TDRD7: variants seen among roughly 807,000 people sequenced by gnomAD.
TDRD7 encodes tudor domain containing 7.
A neutral mutation model predicts 109.8 loss-of-function variants in TDRD7; 47 were observed. That is an observed-to-expected ratio of 0.43 (90% CI 0.34 to 0.55). The LOEUF is 0.55. TDRD7 is among the 20% of genes least tolerant of loss of function. The pLI is 0.03. For synonymous variants in TDRD7, 424 were observed against 457.3 expected (o/e 0.93, Z 0.93); for missense variants, 1,164 against 1,319.2 (o/e 0.88, Z 1.82).
intron 16 of TDRD7, among the ~76,000 whole-genome samples, chr9:97,494,124 T>A (rs1344566451): frequency 6.6e-6 from 1 of 151,948 alleles, no homozygotes; most frequent in Non-Finnish European, 1.5e-5. Context: ...GGGGAAGTGA[T>A]AAGTGTCCAT....
intron 1 of TDRD7, among the ~76,000 whole-genome samples, chr9:97,425,061 C>T (rs1827964616): frequency 6.6e-6 from 1 of 151,974 alleles, no homozygotes; most frequent in Admixed American, 6.6e-5. Context: ...TCCATTGGTT[C>T]TATTCTTCGT....
chr9:97,425,727 GAA>G (rs1449954389), intron 1 of TDRD7, among the ~76,000 whole-genome samples: 2 of 152,142 alleles, frequency 1.3e-5, no homozygotes, highest in Non-Finnish European at 2.9e-5. Flanking sequence ...ATAATAATTT[GAA>G]AAGAGTTAAT....
At chr9:97,473,660 C>A (rs1258715744) in intron 11 of TDRD7, 34 bp downstream of exon 11, 1 of 1,612,536 alleles carries the variant, frequency 6.2e-7, no homozygotes, top group Non-Finnish European at 8.5e-7. Context: ...CTAAAATTAG[C>A]CCTAAAATTA....
At position 97,427,584 on chromosome 9, in the gene TDRD7, G is replaced by A. The variant is rs763397773; in HGVS notation, c.-6-876G>A. Among the ~76,000 whole-genome samples, 7 of 152,170 alleles carry A rather than the reference G, an allele frequency of 4.6e-5. No individual in the cohort carries two copies. The South Asian group carries it at 6.2e-4, about 14-fold the overall frequency. On this transcript the variant is annotated intron_variant, in intron 1 of 16. Transcript: ENST00000355295. ...GTTCTATAAGCATTCCAACTTCTCC[G>A]TGTCCAAAATGAATTGGCCTCTTCC...
intron 5 of TDRD7, among the ~76,000 whole-genome samples, chr9:97,440,713 C>G (rs1301118229): frequency 6.6e-6 from 1 of 152,134 alleles, no homozygotes; most frequent in African/African-American, 2.4e-5. Flanking sequence ...CTGTCTCTAC[C>G]TGCAAATTAA....
rs376898705 is a variant in TDRD7, at chr9:97,495,665, G to T, written c.3079G>T (p.Val1027Leu). The T allele has an allele frequency of 6.2e-7, 1 of 1,614,046 alleles. No homozygotes were observed. The highest frequency in any genetic ancestry group is 1.1e-5 in the South Asian group (1 of 91,080). Residue 1027 changes from valine to leucine, a missense_variant and splice_region_variant, in exon 17 of 17, where the codon GTG becomes TTG. Transcript: ENST00000355295. Reference sequence around the variant, plus strand: ...TCTTCTTCCTCTCTTCCTCCTAGGAGTGAAGTGCAACCAGTGGTCTGAGGA... The same window carrying T: ...TCTTCTTCCTCTCTTCCTCCTAGGATTGAAGTGCAACCAGTGGTCTGAGGA... ...FQAVTAQLAG[V>L]KCNQWSEEAS...
intron 13 of TDRD7, chr9:97,480,192 AC>A: frequency 6.6e-6 from 1 of 152,668 alleles, no homozygotes; most frequent in East Asian, 1.9e-4. Flanking sequence ...CCCTGAGTTC[AC>A]TTTTTAGCCT....
intron 6 of TDRD7, among the ~76,000 whole-genome samples, chr9:97,446,806 C>G (rs570175608): frequency 6.6e-6 from 1 of 152,148 alleles, no homozygotes; most frequent in African/African-American, 2.4e-5. Flanking sequence ...AATGAATTGC[C>G]TTTTTAAAAA....
At position 97,441,764 on chromosome 9, in the gene TDRD7, T is replaced by C; in HGVS notation, c.744T>C (p.His248=). 6.2e-7 allele frequency: 1 copy of C among 1,613,798 alleles called. No individual in the cohort carries two copies. Among genetic ancestry groups the C allele is most frequent in the Non-Finnish European group, 8.5e-7 (1 of 1,179,824 alleles). ...GCATAAAGGAAATACTAAACAAGCA[T>C]AACAATGGCATTTGGATATCTAAGC... ...QNRIKEILNK[H]NNGIWISKLP... The change falls in exon 6 of 17, where the codon CAT becomes CAC. Residue 248 remains histidine (H), a synonymous_variant. Coordinates refer to ENST00000355295, the MANE Select transcript of TDRD7 (RefSeq NM_014290.3).
chr9:97,481,595 T>A (rs954308771), intron 14 of TDRD7, among the ~76,000 whole-genome samples: 3 of 152,218 alleles, frequency 2.0e-5, no homozygotes, highest in Admixed American at 2.0e-4. Flanking sequence ...TGAAGACCTC[T>A]AAATTATTCT....
chr9:97,418,673 G>A (rs1278661934), intron 1 of TDRD7, among the ~76,000 whole-genome samples: 1 of 152,198 alleles, frequency 6.6e-6, no homozygotes. Context: ...GGAAGGAGTG[G>A]AAGGCTTTCG....
intron 9 of TDRD7, among the ~76,000 whole-genome samples, chr9:97,471,740 G>A (rs751583480): frequency 6.6e-6 from 1 of 152,154 alleles, no homozygotes; most frequent in Non-Finnish European, 1.5e-5. Context: ...TTAAAGAGTA[G>A]TTGGACTACA....
At chr9:97,475,701 C>T (rs916008463) in intron 12 of TDRD7, among the ~76,000 whole-genome samples, 2 of 151,952 alleles carry the variant, frequency 1.3e-5, no homozygotes, top group African/African-American at 4.8e-5. Flanking sequence ...CTCATTCTTA[C>T]TTGTTTATAT....
chr9:97,479,942 G>A (rs1396364493), intron 13 of TDRD7, among the ~76,000 whole-genome samples: 1 of 152,062 alleles, frequency 6.6e-6, no homozygotes, highest in East Asian at 1.9e-4. Context: ...CCACTCCCTC[G>A]TTGCCTGCCC....
intron 15 of TDRD7, among the ~76,000 whole-genome samples, chr9:97,483,615 T>G (rs1281701385): frequency 6.6e-6 from 1 of 152,040 alleles, no homozygotes; most frequent in Non-Finnish European, 1.5e-5. Flanking sequence ...TAGAAAAATA[T>G]TTTTATTCAG....
chr9:97,484,785 G>A (rs1354815197), intron 15 of TDRD7, among the ~76,000 whole-genome samples: 2 of 152,156 alleles, frequency 1.3e-5, no homozygotes. Flanking sequence ...AGAGCTCTTT[G>A]TAAGATAATT....
intron 12 of TDRD7, among the ~76,000 whole-genome samples, chr9:97,478,193 G>A (rs921877942): frequency 5.3e-5 from 8 of 152,168 alleles, no homozygotes; most frequent in African/African-American, 1.2e-4. Context: ...CCTGGGAGGC[G>A]GAGGTTGCAG....
At chr9:97,486,983 A>T (rs1829221736) in intron 15 of TDRD7, among the ~76,000 whole-genome samples, 189 bp from the exon 16 acceptor site, 1 of 152,260 alleles carries the variant, frequency 6.6e-6, no homozygotes, top group Non-Finnish European at 1.5e-5. Context: ...ACAGTGGCAA[A>T]GCAGAGAATA....
chr9:97,483,487 TC>T, intron 15 of TDRD7, 136 bp downstream of exon 15: 4 of 1,101,642 alleles, frequency 3.6e-6, no homozygotes, highest in Non-Finnish European at 5.1e-6. Context: ...CAGTAATTTT[TC>T]CGATTTTCTA....
Sources: allele counts gnomAD v4.1 joint callset (sites outside exome capture counted in the v4.1 genomes callset), GRCh38; gene constraint gnomAD v4.1.1; transcripts MANE v1.5; gene names NCBI Gene and HGNC (gene_info 2026-07-23, HGNC 2026-07-21).